The following NPAS4 variants were observed in gnomAD, a reference collection of about 807,000 sequenced individuals.
The protein encoded by NPAS4 is neuronal PAS domain protein 4.
In NPAS4, 10 loss-of-function variants were observed where a neutral mutation model predicts 64.0. The observed-to-expected ratio is 0.16, with a 90% CI of 0.10 to 0.26. The LOEUF is 0.26. Among genes scored for constraint, NPAS4 ranks in the 10% least tolerant of loss-of-function variants. The pLI is 1.00. For missense variants in NPAS4, 886 were observed against 992.6 expected (o/e 0.89, Z 1.44); for synonymous variants, 441 against 411.7 (o/e 1.07, Z -0.86).
chr11:66,417,365 C>G (rs1487887935), upstream of NPAS4, among the ~76,000 whole-genome samples: 3 of 152,028 alleles, frequency 2.0e-5, no homozygotes, highest in Admixed American at 6.6e-5. Context: ...AAAGAAAGCC[C>G]TTCTCTTCTC....
upstream of NPAS4, chr11:66,420,963 G>A (rs778135479): frequency 2.0e-4 from 101 of 515,532 alleles, no homozygotes; most frequent in African/African-American, 1.8e-3. Context: ...CCGCTCTCCC[G>A]CCCCCCCGGC....
chr11:66,415,873 A>G, the NPAS4 span, among the ~76,000 whole-genome samples: 1 of 152,356 alleles, frequency 6.6e-6, no homozygotes, highest in East Asian at 1.9e-4. Context: ...GTGTAATTCC[A>G]GCACTTTGGG....
rs368438519 is a variant in NPAS4 at position 66,423,994 on chromosome 11, G to A, written c.1104G>A (p.Gly368=). 166 of 1,613,962 alleles carry A rather than the reference G, an allele frequency of 1.0e-4. 1 individual carries two copies. Among genetic ancestry groups the A allele is most frequent in the Non-Finnish European group, 1.4e-4 (163 of 1,180,010 alleles). ...STNPLFTAAL[G]APRSTSFPSA... ...ACCCACTCTTCACCGCAGCACTGGG[G>A]GCTCCCAGAAGCACCAGCTTCCCCA... The change falls in exon 7 of 8, where the codon GGG becomes GGA. Residue 368 remains glycine (G), a synonymous_variant. Coordinates refer to ENST00000311034, the MANE Select transcript of NPAS4 (RefSeq NM_178864.4).
At chr11:66,420,982 G>A (rs963706142), upstream of NPAS4, 4 of 536,806 alleles carry the variant, frequency 7.5e-6, no homozygotes, top group African/African-American at 5.8e-5. Context: ...GCTCTAAAAC[G>A]AGCCCCCCAC....
chr11:66,412,413 C>G, the NPAS4 span, among the ~76,000 whole-genome samples: 1 of 152,252 alleles, frequency 6.6e-6, no homozygotes, highest in African/African-American at 2.4e-5. Context: ...TTTACTCCAT[C>G]TGGTGCTCTC....
At position 66,421,285 on chromosome 11, in the gene NPAS4, C is replaced by T; in HGVS notation, c.106C>T (p.Arg36Trp). The change falls in exon 1 of 8, where the codon CGG (arginine) becomes TGG (tryptophan). Residue 36 changes from arginine (R) to tryptophan (W), a missense_variant. By Grantham distance (101) the Arg-to-Trp change is moderately radical. Around this residue, in one of 3 missense-constraint regions of NPAS4, gnomAD observed 38 missense variants for 80.1 expected, o/e 0.47. Coordinates refer to ENST00000311034, the MANE Select transcript of NPAS4 (RefSeq NM_178864.4). The stretch of plus-strand genomic sequence containing the variant: ...GCCGCTGGCCGAAGCGGACAAGGTC[C>T]GGCTGTCCTACCTGCACATCATGAG... ...LLPLAEADKV[R>W]LSYLHIMSLA... is the part of the protein sequence containing the mutation. The T allele has an allele frequency of 6.2e-7, 1 of 1,614,128 alleles. No homozygotes were observed. The highest frequency in any genetic ancestry group is 1.1e-5 in the South Asian group (1 of 91,082).
At chr11:66,414,192 T>G in the NPAS4 span, among the ~76,000 whole-genome samples, 1 of 152,076 alleles carries the variant, frequency 6.6e-6, no homozygotes, top group African/African-American at 2.4e-5. Flanking sequence ...GGGCCAGAAT[T>G]TGCCAGCTGG....
At position 66,424,844 on chromosome 11, in the gene NPAS4, G is replaced by T; in HGVS notation, c.1954G>T (p.Ala652Ser). ...TCAGGGCATGGACAGACCCTTCTCA[G>T]CTGAGGCTGGCACTGGCGGACTAGA... ...LAQGMDRPFSAEAGTGGLEPL... is the reference protein window; with the variant it reads ...LAQGMDRPFSSEAGTGGLEPL... The change falls in exon 7 of 8, where the codon GCT (alanine) becomes TCT (serine). Residue 652 changes from alanine (A) to serine (S), a missense_variant. By Grantham distance (99) the Ala-to-Ser change is moderately conservative. Around this residue, in one of 3 missense-constraint regions of NPAS4, gnomAD observed 820 missense variants for 855.5 expected, o/e 0.96. Coordinates refer to ENST00000311034, the MANE Select transcript of NPAS4 (RefSeq NM_178864.4). 6.2e-7 allele frequency: 1 copy of T among 1,613,210 alleles called. No individual in the cohort carries two copies. Among genetic ancestry groups the T allele is most frequent in the Non-Finnish European group, 8.5e-7 (1 of 1,179,642 alleles).
At position 66,424,684 on chromosome 11, in the gene NPAS4, C is replaced by T. The variant is rs754438069; in HGVS notation, c.1794C>T (p.Leu598=). The change falls in exon 7 of 8, where the codon CTC becomes CTT. Residue 598 remains leucine (L), a synonymous_variant. Transcript: ENST00000311034. ...LLALAQLRGP[L]SVDVPLVPEG... The stretch of plus-strand genomic sequence containing the variant: ...CCCTAGCCCAGCTCCGGGGCCCCCT[C>T]TCTGTGGATGTCCCCCTGGTGCCCG... 1.9e-5 allele frequency: 31 copies of T among 1,613,114 alleles called. No individual in the cohort carries two copies. Among genetic ancestry groups the T allele is most frequent in the East Asian group, 1.3e-4 (6 of 44,860 alleles).
At chr11:66,414,137 T>C in the NPAS4 span, among the ~76,000 whole-genome samples, 1 of 152,058 alleles carries the variant, frequency 6.6e-6, no homozygotes, top group African/African-American at 2.4e-5. Flanking sequence ...GCACAGGGGC[T>C]GGGGGGCACT....
At chr11:66,417,466 T>G (rs147984617), upstream of NPAS4, among the ~76,000 whole-genome samples, 333 of 152,166 alleles carry the variant, frequency 2.2e-3, no homozygotes, top group Middle Eastern at 6.8e-3. Flanking sequence ...GGAGAGGTCA[T>G]GTGGGGCTCC....
At chr11:66,411,407 G>C in the NPAS4 span, among the ~76,000 whole-genome samples, 1 of 152,188 alleles carries the variant, frequency 6.6e-6, no homozygotes, top group Non-Finnish European at 1.5e-5. Context: ...TAGTGGTAGA[G>C]CTGGGAACAG....
At chr11:66,417,514 G>C (rs982855542), upstream of NPAS4, among the ~76,000 whole-genome samples, 1 of 152,162 alleles carries the variant, frequency 6.6e-6, no homozygotes, top group Non-Finnish European at 1.5e-5. Context: ...CATGCAACAA[G>C]AGAGCTTTGC....
At position 66,424,107 on chromosome 11, in the gene NPAS4, C is replaced by G; in HGVS notation, c.1217C>G (p.Ser406Cys). 6.2e-7 allele frequency: 1 copy of G among 1,614,096 alleles called. No individual in the cohort carries two copies. Among genetic ancestry groups the G allele is most frequent in the Non-Finnish European group, 8.5e-7 (1 of 1,180,020 alleles). ...ELDFSYLTFPSGPEPSLQAEL... is the reference protein window; with the variant it reads ...ELDFSYLTFPCGPEPSLQAEL... ...GACTTCAGTTACCTGACATTCCCTT[C>G]TGGGCCTGAGCCTTCTCTCCAAGCA... The change falls in exon 7 of 8, where the codon TCT becomes TGT. Residue 406 changes from serine to cysteine, a missense_variant. Coordinates refer to ENST00000311034, the MANE Select transcript of NPAS4 (RefSeq NM_178864.4).
At chr11:66,425,374 T>C (rs1454265333) in intron 7 of NPAS4, 104 bp downstream of exon 7, 3 of 597,966 alleles carry the variant, frequency 5.0e-6, no homozygotes, top group East Asian at 6.3e-5. Context: ...TTGATTTTAT[T>C]AAGGGGATGA....
At chr11:66,418,984 A>G (rs1452753485), upstream of NPAS4, among the ~76,000 whole-genome samples, 2 of 152,162 alleles carry the variant, frequency 1.3e-5, no homozygotes, top group Admixed American at 6.5e-5. Flanking sequence ...GGACACTCAG[A>G]ATGCCTCACA....
upstream of NPAS4, among the ~76,000 whole-genome samples, chr11:66,418,010 A>G (rs117713283): frequency 4.7e-5 from 7 of 148,084 alleles, no homozygotes; most frequent in African/African-American, 1.9e-4. Flanking sequence ...AAACACACAG[A>G]CACACACACA....
upstream of NPAS4, among the ~76,000 whole-genome samples, chr11:66,417,999 C>A (rs367544397): frequency 3.8e-4 from 58 of 152,084 alleles, no homozygotes; most frequent in African/African-American, 1.4e-3. Context: ...CACACACACA[C>A]AAACACACAG....
rs1856832541 is a variant in NPAS4, at chr11:66,425,910, C to T, written c.2381-51C>T. 1.4e-5 allele frequency: 20 copies of T among 1,385,322 alleles called. No individual in the cohort carries two copies. The East Asian group carries it at 4.6e-4, about 32-fold the overall frequency. The allele number at this position is 1,385,322 out of a possible 1,614,324, so 85.8% of individuals were successfully genotyped here. On this transcript the variant is annotated intron_variant, in intron 7 of 7. Transcript: ENST00000311034. ...AACACATTCTCAGCCCCAGGATCCT[C>T]TGTGCTAATTGGTCTAACTGATTGT...
Sources: allele counts gnomAD v4.1 joint callset (sites outside exome capture counted in the v4.1 genomes callset), GRCh38; gene constraint gnomAD v4.1.1; regional missense constraint gnomAD v4.1.1; transcripts MANE v1.5; gene names NCBI Gene and HGNC (gene_info 2026-07-23, HGNC 2026-07-21).